The following XPO4 variants were observed in gnomAD, a reference collection of about 807,000 sequenced individuals.
XPO4 encodes exportin 4, also known as exportin-4.
XPO4 carries 39 observed loss-of-function variants against 143.0 expected under a neutral mutation model. That is an observed-to-expected ratio of 0.27 (90% confidence interval 0.21 to 0.36). The LOEUF (loss-of-function observed/expected upper bound fraction) is 0.36. Ranked by LOEUF, XPO4 falls within the 10% of genes least tolerant of loss-of-function variation. The pLI is 1.00. For synonymous variants in XPO4, 439 were observed against 474.0 expected (o/e 0.93, Z 0.96); for missense variants, 907 against 1,348.0 (o/e 0.67, Z 5.12).
At chr13:20,808,343 T>A in intron 12 of XPO4, 93 bp downstream of exon 12, 1 of 1,302,772 alleles carries the variant, frequency 7.7e-7, no homozygotes, top group Non-Finnish European at 1.0e-6. Context: ...TCCAATATTA[T>A]ATATACACTA....
chr13:20,860,710 G>T (rs1414743121), intron 3 of XPO4, among the ~76,000 whole-genome samples: 1 of 152,028 alleles, frequency 6.6e-6, no homozygotes, highest in African/African-American at 2.4e-5. Context: ...CATCCAAATG[G>T]ACCCACCAAA....
chr13:20,858,987 ACAAT>A (rs377102114), intron 3 of XPO4, among the ~76,000 whole-genome samples: 145 of 151,824 alleles, frequency 9.6e-4, no homozygotes, highest in African/African-American at 3.4e-3. Flanking sequence ...AATCAACTCT[ACAAT>A]CAAACTAATT....
intron 1 of XPO4, among the ~76,000 whole-genome samples, chr13:20,880,924 C>T (rs1054259720): frequency 2.8e-5 from 4 of 144,840 alleles, no homozygotes; most frequent in African/African-American, 1.0e-4. Flanking sequence ...CACCACTGCA[C>T]TTCAGCCTGG....
Position 20,778,839 on chromosome 13 carries a change from T to TTA in XPO4, c.*4882_*4883insTA, listed in dbSNP as rs1454348541. ...CATTTCATAAAAGAGTCTAGCTAAA[T>TTA]ACCCATGAACAAATCACACATGGTC... On this transcript the variant is annotated 3_prime_UTR_variant, in exon 23 of 23. Transcript: ENST00000255305. 1 of 152,120 alleles carries TTA rather than the reference T, an allele frequency of 6.6e-6. No homozygotes were observed. Among genetic ancestry groups the TTA allele is most frequent in the Admixed American group, 6.6e-5 (1 of 15,264 alleles). The allele number at this position is 152,120 out of a possible 1,614,324, so 9.4% of individuals were successfully genotyped here. A position where few individuals can be genotyped will look rare whatever the true frequency, so the allele number is the denominator to read the frequency against.
chr13:20,896,046 G>A (rs1049998630), intron 1 of XPO4, among the ~76,000 whole-genome samples: 7 of 152,096 alleles, frequency 4.6e-5, no homozygotes, highest in Non-Finnish European at 5.9e-5. Context: ...CTCTTGTATC[G>A]AAAACTTGTA....
Position 20,780,047 on chromosome 13 carries a change from TG to T in XPO4, c.*3674del, listed in dbSNP as rs766899300. ...CATTATTATATCCTCAAATCAACAA[TG>T]TTTTTTTGTGGGAAAGCTTACAGAA... On this transcript the variant is annotated 3_prime_UTR_variant, in exon 23 of 23. Transcript: ENST00000255305. 9 of 152,332 alleles carry T rather than the reference TG, an allele frequency of 5.9e-5. No individual in the cohort carries two copies. The highest frequency in any genetic ancestry group is 5.8e-4 in the East Asian group (3 of 5,186). The allele number at this position is 152,332 out of a possible 1,614,324, so 9.4% of individuals were successfully genotyped here. A position where few individuals can be genotyped will look rare whatever the true frequency, so the allele number is the denominator to read the frequency against.
In XPO4 at chr13:20,865,516, C is replaced by T. The variant is rs979943820; in HGVS notation, c.176-2658G>A. ...GTCCAGAGAATAAATTATTTTAGGT[C>T]ACTTTAGCAAAATGCTTTCATCTGC... On this transcript the variant is annotated intron_variant, in intron 2 of 22. Transcript: ENST00000255305. 87 of 985,008 alleles carry T rather than the reference C, an allele frequency of 8.8e-5. 1 individual carries two copies. The highest frequency in any genetic ancestry group is 3.5e-5 in the African/African-American group (2 of 57,208). The allele number at this position is 985,008 out of a possible 1,614,324, so 61.0% of individuals were successfully genotyped here.
At chr13:20,891,792 G>A (rs902243636) in intron 1 of XPO4, among the ~76,000 whole-genome samples, 1 of 151,558 alleles carries the variant, frequency 6.6e-6, no homozygotes, top group Admixed American at 6.6e-5. Flanking sequence ...GAACCCGGGA[G>A]GTGAAGGTTG....
At chr13:20,793,603 G>A (rs1023589844) in intron 18 of XPO4, among the ~76,000 whole-genome samples, 1 of 152,006 alleles carries the variant, frequency 6.6e-6, no homozygotes, top group South Asian at 2.1e-4. Context: ...ACTCAGGCTG[G>A]AGTGCTGTAG....
chr13:20,791,146 C>T lies in XPO4; in HGVS notation c.2798-566G>A, dbSNP rs149566289. The stretch of plus-strand genomic sequence containing the variant: ...ATATAAATTAATGAGAATACTAAGA[C>T]CTAAACAGATAAATTAACATCTCTA... On this transcript the variant is annotated intron_variant, in intron 18 of 22. Coordinates refer to ENST00000255305, the MANE Select transcript of XPO4 (RefSeq NM_022459.5). Among the ~76,000 whole-genome samples, 142 of 151,704 alleles carry T rather than the reference C, an allele frequency of 9.4e-4. No homozygotes were observed. The Middle Eastern group carries it at 0.01, about 11-fold the overall frequency.
At chr13:20,899,385 G>A (rs990160647) in intron 1 of XPO4, among the ~76,000 whole-genome samples, 3 of 151,882 alleles carry the variant, frequency 2.0e-5, no homozygotes, top group Non-Finnish European at 1.5e-5. Flanking sequence ...TGAAAGGGGA[G>A]TCTGGTGATC....
chr13:20,874,420 T>C (rs1483359730), intron 1 of XPO4, among the ~76,000 whole-genome samples: 2 of 152,214 alleles, frequency 1.3e-5, no homozygotes, highest in Non-Finnish European at 2.9e-5. Flanking sequence ...CCAAAACCCA[T>C]GTTAAAATTT....
chr13:20,806,993 A>G (rs975069633), intron 13 of XPO4, among the ~76,000 whole-genome samples: 23 of 152,126 alleles, frequency 1.5e-4, no homozygotes, highest in African/African-American at 5.6e-4. Flanking sequence ...CTTAAGTTTC[A>G]CATTTAGAAT....
intron 6 of XPO4, among the ~76,000 whole-genome samples, chr13:20,838,382 G>A (rs180718713): frequency 6.6e-5 from 10 of 151,760 alleles, no homozygotes; most frequent in Non-Finnish European, 1.3e-4. Context: ...GGCTGAGATG[G>A]GTGGATCACG....
intron 2 of XPO4, among the ~76,000 whole-genome samples, chr13:20,866,958 G>A (rs777831274): frequency 7.2e-5 from 11 of 152,162 alleles, no homozygotes; most frequent in Non-Finnish European, 1.3e-4. Context: ...AGTCAATGTC[G>A]TTAAGGCATA....
chr13:20,852,974 A>G (rs919386623), intron 4 of XPO4: 25 of 985,184 alleles, frequency 2.5e-5, no homozygotes, highest in Non-Finnish European at 3.0e-5. Flanking sequence ...TCTAAAGCTC[A>G]TGACATGCTG....
At chr13:20,865,563 T>C (rs2060237982) in intron 2 of XPO4, 2 of 972,040 alleles carry the variant, frequency 2.1e-6, no homozygotes, top group Non-Finnish European at 2.4e-6. Context: ...CTTTCTTTAA[T>C]AATAATTATG....
chr13:20,891,200 A>G (rs182121498), intron 1 of XPO4, among the ~76,000 whole-genome samples: 31 of 151,668 alleles, frequency 2.0e-4, no homozygotes, highest in African/African-American at 7.0e-4. Flanking sequence ...AGTAGCCACT[A>G]CCACAGTGGC....
intron 9 of XPO4, among the ~76,000 whole-genome samples, chr13:20,812,747 T>C (rs1428601167): frequency 2.0e-5 from 3 of 152,172 alleles, no homozygotes; most frequent in Non-Finnish European, 2.9e-5. Context: ...GTACCATGGC[T>C]ACAAAAGATG....
Sources: gnomAD v4.1 joint callset for allele counts (sites outside exome capture counted in the v4.1 genomes callset) on GRCh38, gnomAD v4.1.1 for gene constraint, MANE v1.5 for transcripts, NCBI Gene and HGNC (gene_info 2026-07-23, HGNC 2026-07-21) for gene names.